Variants in MEGF10 observed in about 807,000 individuals in gnomAD.
MEGF10 encodes the protein multiple EGF like domains 10.
MEGF10 carries 86 observed loss-of-function variants against 147.5 expected under a neutral mutation model. The observed-to-expected ratio is 0.58, with a 90% confidence interval of 0.49 to 0.70. The LOEUF is 0.70. MEGF10 is among the 30% of genes least tolerant of loss of function. MEGF10 has a pLI of 0.00. For synonymous variants in MEGF10, 478 were observed against 525.5 expected (o/e 0.91, Z 1.24); for missense variants, 1,329 against 1,487.3 (o/e 0.89, Z 1.75).
chr5:127,330,371 C>T (rs747714678), intron 1 of MEGF10, among the ~76,000 whole-genome samples: 1 of 152,222 alleles, frequency 6.6e-6, no homozygotes, highest in Admixed American at 6.5e-5. Flanking sequence ...AAACCCATTG[C>T]GACTCACCCT....
intron 5 of MEGF10, among the ~76,000 whole-genome samples, chr5:127,382,619 A>C (rs943788560): frequency 2.6e-5 from 4 of 152,214 alleles, no homozygotes; most frequent in Admixed American, 6.5e-5. Context: ...TCAGAGTTTA[A>C]AAGATTTTTA....
the MEGF10 span, among the ~76,000 whole-genome samples, chr5:127,230,792 T>C: frequency 3.4e-4 from 52 of 152,206 alleles, no homozygotes; most frequent in Non-Finnish European, 3.4e-4. Flanking sequence ...GCCTCTGTCA[T>C]TTTAAATCTT....
intron 4 of MEGF10, among the ~76,000 whole-genome samples, chr5:127,347,648 G>A (rs1028091663): frequency 6.6e-6 from 1 of 152,032 alleles, no homozygotes; most frequent in Admixed American, 6.6e-5. Flanking sequence ...TTCAAATATG[G>A]ACATCCTAAG....
intron 7 of MEGF10, 97 bp from the exon 8 acceptor site, chr5:127,402,449 A>C: frequency 1.5e-6 from 2 of 1,330,252 alleles, no homozygotes; most frequent in Non-Finnish European, 2.1e-6. Flanking sequence ...CCTGTTCCCC[A>C]TCCCTCCTTT....
chr5:127,412,252 C>T (rs1177264883), intron 9 of MEGF10, among the ~76,000 whole-genome samples: 2 of 152,138 alleles, frequency 1.3e-5, no homozygotes, highest in African/African-American at 2.4e-5. Context: ...TTTTGTAAAT[C>T]ATGAAAGGTA....
rs150180586 is a variant in MEGF10, at chr5:127,377,645, G to A, written c.412+7643G>A. Among the ~76,000 whole-genome samples the A allele has an allele frequency of 5.3e-5, 8 of 152,268 alleles. No homozygotes were observed. The East Asian group carries it at 1.5e-3, about 29-fold the overall frequency. The stretch of plus-strand genomic sequence containing the variant: ...GAAAGTAATAAGATTTTGCCTGCAG[G>A]ATATTCGAATGGGGGGAATCCATTT... On this transcript the variant is annotated intron_variant, in intron 5 of 24. Transcript: ENST00000503335.
intron 5 of MEGF10, among the ~76,000 whole-genome samples, chr5:127,395,536 C>CTTTTT (rs35926205): frequency 1.5e-5 from 1 of 65,574 alleles, no homozygotes; most frequent in Non-Finnish European, 2.7e-5. Context: ...TGACTGATAT[C>CTTTTT]TTTTTTTTTT....
chr5:127,238,816 G>GT, the MEGF10 span, among the ~76,000 whole-genome samples: 1,382 of 152,210 alleles, frequency 9.1e-3, 30 homozygotes, highest in African/African-American at 0.032. Context: ...AATGTCTCTT[G>GT]GTATTAAGAT....
chr5:127,340,382 T>C, intron 3 of MEGF10, 148 bp from the exon 4 acceptor site: 1 of 528,510 alleles, frequency 1.9e-6, no homozygotes, highest in South Asian at 3.1e-5. Context: ...TTGGCTTCAA[T>C]AGGGAATCTT....
At chr5:127,441,934 A>G (rs1032496618) in intron 18 of MEGF10, among the ~76,000 whole-genome samples, 2 of 152,222 alleles carry the variant, frequency 1.3e-5, no homozygotes, top group Non-Finnish European at 2.9e-5. Flanking sequence ...ACGTCCAGGA[A>G]TCAGCTCACA....
At chr5:127,235,604 C>T in the MEGF10 span, among the ~76,000 whole-genome samples, 9 of 152,148 alleles carry the variant, frequency 5.9e-5, no homozygotes, top group Non-Finnish European at 1.2e-4. Flanking sequence ...TTTATATTAT[C>T]GTGTTTTCAT....
chr5:127,334,569 G>T (rs1761392537), intron 2 of MEGF10, among the ~76,000 whole-genome samples: 2 of 152,226 alleles, frequency 1.3e-5, no homozygotes, highest in South Asian at 4.2e-4. Context: ...CTAAGAAATT[G>T]TACATAAAAT....
chr5:127,310,661 T>C (rs1451804038), intron 1 of MEGF10, among the ~76,000 whole-genome samples: 1 of 152,214 alleles, frequency 6.6e-6, no homozygotes, highest in African/African-American at 2.4e-5. Context: ...CCATGCTCTA[T>C]CATTCTCTTC....
chr5:127,341,210 C>T (rs968533627), intron 4 of MEGF10, among the ~76,000 whole-genome samples: 1 of 152,198 alleles, frequency 6.6e-6, no homozygotes, highest in Admixed American at 6.6e-5. Context: ...TTATGACACA[C>T]TTCAGAGAAT....
At chr5:127,352,130 A>T (rs36308) in intron 4 of MEGF10, among the ~76,000 whole-genome samples, 58,801 of 151,770 alleles carry the variant, frequency 0.39, 12,623 homozygotes, top group Non-Finnish European at 0.49. Context: ...GGTAAAATGG[A>T]TATTGGGAGA....
Position 127,460,975 on chromosome 5 carries a change from C to T in MEGF10, c.*3657C>T, listed in dbSNP as rs544337499. 4.6e-5 allele frequency: 7 copies of T among 152,238 alleles called. No individual in the cohort carries two copies. In the South Asian group the frequency reaches 1.5e-3, roughly 32 times the overall value. The allele number at this position is 152,238 out of a possible 1,614,324, so 9.4% of individuals were successfully genotyped here. ...TATTGATGTCCTAACACTGGGTCTG[C>T]TTATGCTAGTTCAGTATTTGGTCTA... On this transcript the variant is annotated 3_prime_UTR_variant, in exon 25 of 25. Transcript: ENST00000503335.
the MEGF10 span, among the ~76,000 whole-genome samples, chr5:127,270,200 T>C: frequency 6.6e-6 from 1 of 152,138 alleles, no homozygotes; most frequent in African/African-American, 2.4e-5. Context: ...CCAGCTAACA[T>C]CATAATGACA....
At chr5:127,287,826 T>C (rs915004441), upstream of MEGF10, among the ~76,000 whole-genome samples, 1 of 152,068 alleles carries the variant, frequency 6.6e-6, no homozygotes, top group Non-Finnish European at 1.5e-5. Flanking sequence ...GGAAGACTTA[T>C]TACATCTAAG....
the MEGF10 span, among the ~76,000 whole-genome samples, chr5:127,247,411 A>AAGAAGAAGAAGAAGAAGAAGAAGAAGG: frequency 3.4e-5 from 2 of 57,980 alleles, 1 homozygote; most frequent in Non-Finnish European, 6.5e-5. Context: ...GAAGAAGAAG[A>AAGAAGAAGAAGAAGAAGAAGAAGAAGG]AGAAGAAGAA....
Sources: gnomAD v4.1 joint callset for allele counts (sites outside exome capture counted in the v4.1 genomes callset) on GRCh38, gnomAD v4.1.1 for gene constraint, MANE v1.5 for transcripts, NCBI Gene and HGNC (gene_info 2026-07-23, HGNC 2026-07-21) for gene names.